LRRD1: variants seen among roughly 807,000 people sequenced by gnomAD.
The protein encoded by LRRD1 is leucine rich repeats and death domain containing 1.
A neutral mutation model predicts 69.5 loss-of-function variants in LRRD1; 49 were observed. The ratio of observed to expected loss-of-function variants is 0.70; its 90% confidence interval spans 0.56 to 0.89. The LOEUF is 0.89. Among genes scored for constraint, LRRD1 ranks in the 40% least tolerant of loss-of-function variants. LRRD1 has a pLI of 0.00. For synonymous variants in LRRD1, 303 were observed against 338.9 expected, an observed-to-expected ratio of 0.89 and a Z score of 1.16; for missense variants, 853 against 956.0, an observed-to-expected ratio of 0.89 and a Z score of 1.42.
downstream of LRRD1, chr7:92,142,350 G>T: frequency 2.4e-6 from 1 of 422,220 alleles, no homozygotes; most frequent in South Asian, 1.7e-5. Context: ...GAAGTATGGG[G>T]ATTGAGGATC....
chr7:92,163,509 C>T lies in LRRD1; in HGVS notation c.1694G>A (p.Cys565Tyr). 6.6e-7 allele frequency: 1 copy of T among 1,524,206 alleles called. No homozygotes were observed. Among genetic ancestry groups the T allele is most frequent in the Non-Finnish European group, 8.8e-7 (1 of 1,136,620 alleles). The allele number at this position is 1,524,206 out of a possible 1,614,324, so 94.4% of individuals were successfully genotyped here. ...TCTAGGGAAAGTTTCAAATTTATTA[C>T]AGCATAAAATAAGTACGTGGAGTGA... The part of the protein sequence containing the change: ...MISLHVLILC[C>Y]NKFETFPREL... Residue 565 changes from cysteine to tyrosine, a missense_variant, in exon 2 of 6, where the codon TGT becomes TAT. By Grantham distance (194) the Cys-to-Tyr change is radical (BLOSUM62 -2). Transcript: ENST00000458448.
chr7:92,151,931 A>G (rs1820477650), intron 3 of LRRD1, among the ~76,000 whole-genome samples: 1 of 151,240 alleles, frequency 6.6e-6, no homozygotes, highest in African/African-American at 2.4e-5. Context: ...CCTGGGAGAC[A>G]AGAGCGGAAC....
At chr7:92,169,611 C>T (rs374206143) in intron 1 of LRRD1, among the ~76,000 whole-genome samples, 6 of 152,110 alleles carry the variant, frequency 3.9e-5, no homozygotes, top group African/African-American at 1.2e-4. Context: ...GGTTACACCA[C>T]TGCACTCCAG....
At chr7:92,165,810 G>A (rs1391837252) in intron 1 of LRRD1, among the ~76,000 whole-genome samples, 6 of 142,750 alleles carry the variant, frequency 4.2e-5, no homozygotes, top group Non-Finnish European at 3.0e-5. Context: ...GCAGTGAGCC[G>A]AGATTGCACC....
At chr7:92,148,486 T>C (rs1446991737) in intron 4 of LRRD1, among the ~76,000 whole-genome samples, 1 of 152,108 alleles carries the variant, frequency 6.6e-6, no homozygotes, top group East Asian at 1.9e-4. Flanking sequence ...TATATATATA[T>C]ATATAAAATT....
At chr7:92,178,205 C>T (rs1365750775) in intron 1 of LRRD1, among the ~76,000 whole-genome samples, 1 of 151,748 alleles carries the variant, frequency 6.6e-6, no homozygotes. Context: ...CCCAGCTACT[C>T]GGGAGGCTGC....
intron 4 of LRRD1, among the ~76,000 whole-genome samples, chr7:92,149,292 T>G (rs988915896): frequency 6.6e-6 from 1 of 152,360 alleles, no homozygotes; most frequent in Middle Eastern, 3.4e-3. Context: ...GTAGACAAGA[T>G]ACATGATAGA....
intron 3 of LRRD1, among the ~76,000 whole-genome samples, chr7:92,157,061 T>A (rs1013916062): frequency 2.0e-5 from 3 of 150,848 alleles, no homozygotes; most frequent in Non-Finnish European, 4.4e-5. Context: ...GATGAGGTCT[T>A]GTTTTGTTGC....
At chr7:92,148,796 G>A (rs947209465) in intron 4 of LRRD1, among the ~76,000 whole-genome samples, 1 of 152,186 alleles carries the variant, frequency 6.6e-6, no homozygotes, top group African/African-American at 2.4e-5. Flanking sequence ...CACCCGGGCT[G>A]GAGTGCAGTG....
chr7:92,149,167 G>T (rs564539984), intron 4 of LRRD1, among the ~76,000 whole-genome samples: 2 of 152,150 alleles, frequency 1.3e-5, no homozygotes, highest in African/African-American at 4.8e-5. Context: ...CCCAAGTCTT[G>T]CAAAAGCCTC....
Position 92,146,158 on chromosome 7 carries a change from ATGT to A in LRRD1, c.2318_2320del (p.Asn773del). 1.3e-6 allele frequency: 2 copies of A among 1,541,352 alleles called. No homozygotes were observed. Among genetic ancestry groups the A allele is most frequent in the Non-Finnish European group, 1.7e-6 (2 of 1,143,324 alleles). On this transcript the variant is annotated inframe_deletion, in exon 5 of 6. Transcript: ENST00000458448. ...TAAAAATTCAAAATTGGTTTCAGTG[ATGT>A]TGTTGGCAACTATCTTGAATATCTT...
chr7:92,164,482 A>C lies in LRRD1; in HGVS notation c.721T>G (p.Phe241Val). 2 of 1,550,216 alleles carry C rather than the reference A, an allele frequency of 1.3e-6. No homozygotes were observed. The highest frequency in any genetic ancestry group is 1.7e-6 in the Non-Finnish European group (2 of 1,146,248). The change falls in exon 2 of 6, where the codon TTT (phenylalanine) becomes GTT (valine). Residue 241 changes from phenylalanine to valine, a missense_variant. Physicochemically the swap from Phe to Val is conservative, Grantham distance 50. This residue lies in a region of LRRD1 where 739 missense variants were observed against 808.0 expected (regional missense o/e 0.91). Transcript: ENST00000458448. ...SQLGNIRQLFFYNNYIENFPS... is the reference protein window; with the variant it reads ...SQLGNIRQLFVYNNYIENFPS... The stretch of plus-strand genomic sequence containing the variant: ...AAATTTTCAATGTAATTGTTATAAA[A>C]AAAGAGTTGTCTGATATTCCCAAGC...
At chr7:92,142,125 G>T, downstream of LRRD1, 1 of 179,262 alleles carries the variant, frequency 5.6e-6, no homozygotes, top group African/African-American at 2.4e-5. Context: ...TGTATTTTTA[G>T]TAGAGACAGG....
chr7:92,143,367 C>A (rs1204807921), downstream of LRRD1, among the ~76,000 whole-genome samples: 1 of 152,132 alleles, frequency 6.6e-6, no homozygotes, highest in East Asian at 1.9e-4. Flanking sequence ...CACCGTGTGC[C>A]CGCACTCCTC....
At chr7:92,142,924 C>T (rs1439480779), downstream of LRRD1, 2 of 316,648 alleles carry the variant, frequency 6.3e-6, no homozygotes, top group Non-Finnish European at 1.2e-5. Context: ...ACAATGCTTC[C>T]GCAGTGTGGA....
At chr7:92,158,631 G>A (rs1045424415) in intron 3 of LRRD1, among the ~76,000 whole-genome samples, 1 of 151,768 alleles carries the variant, frequency 6.6e-6, no homozygotes. Context: ...GTATTATAGG[G>A]TATAGGAGAA....
chr7:92,163,750 C>T lies in LRRD1; in HGVS notation c.1453G>A (p.Ala485Thr). Residue 485 changes from alanine to threonine, a missense_variant, in exon 2 of 6, where the codon GCT (alanine) becomes ACT (threonine). Physicochemically the swap from Ala to Thr is moderately conservative, Grantham distance 58. Coordinates refer to ENST00000458448, the MANE Select transcript of LRRD1 (RefSeq NM_001161528.2). ...CTCAAATAATAAAGAGAATCTAAAG[C>T]ACACAGTCCCAATGGAAAATACATT... Reference protein sequence around the residue: ...KIMYFPLGLCALDSLYYLSVN... With the variant: ...KIMYFPLGLCTLDSLYYLSVN... The T allele has an allele frequency of 6.6e-7, 1 of 1,511,816 alleles. No homozygotes were observed. The highest frequency in any genetic ancestry group is 8.8e-7 in the Non-Finnish European group (1 of 1,133,324). The allele number at this position is 1,511,816 out of a possible 1,614,324, so 93.7% of individuals were successfully genotyped here. A position where few individuals can be genotyped will look rare whatever the true frequency, so the allele number is the denominator to read the frequency against.
chr7:92,168,535 C>T (rs1179285952), intron 1 of LRRD1, among the ~76,000 whole-genome samples: 2 of 152,140 alleles, frequency 1.3e-5, no homozygotes, highest in South Asian at 2.1e-4. Context: ...CCTTCTCACA[C>T]TACCAAGATA....
intron 1 of LRRD1, among the ~76,000 whole-genome samples, chr7:92,177,644 A>AAC (rs1278652223): frequency 6.6e-6 from 1 of 152,198 alleles, no homozygotes; most frequent in Admixed American, 6.5e-5. Context: ...TCTTCCATAG[A>AAC]ATAAGGGGAC....
Sources: allele counts gnomAD v4.1 joint callset (sites outside exome capture counted in the v4.1 genomes callset), GRCh38; gene constraint gnomAD v4.1.1; regional missense constraint gnomAD v4.1.1; transcripts MANE v1.5; gene names NCBI Gene and HGNC (gene_info 2026-07-23, HGNC 2026-07-21).